The following CDH13 variants were observed in gnomAD, a reference collection of about 807,000 sequenced individuals.
CDH13 encodes the protein cadherin 13.
In CDH13, 24 loss-of-function variants were observed where a neutral mutation model predicts 63.8. The ratio of observed to expected loss-of-function variants is 0.38; its 90% CI spans 0.27 to 0.53. The LOEUF is 0.53. Among genes scored for constraint, CDH13 ranks in the 20% least tolerant of loss-of-function variants. The pLI is 0.85. For synonymous variants in CDH13, 503 were observed against 355.3 expected (o/e 1.42, Z -4.67); for missense variants, 1,049 against 903.1 (o/e 1.16, Z -2.07).
rs1324497026 is a variant in CDH13, at chr16:83,796,260, T to C, written c.*1230T>C. On this transcript the variant is annotated 3_prime_UTR_variant, in exon 14 of 14. Coordinates refer to ENST00000567109, the MANE Select transcript of CDH13 (RefSeq NM_001257.5). ...ATCATCAAAGCTCACACCAAATTTT[T>C]CTATCAAATAAAACTAGTGACAGCT... 6.6e-6 allele frequency: 1 copy of C among 152,264 alleles called. No homozygotes were observed. Among genetic ancestry groups the C allele is most frequent in the Non-Finnish European group, 1.5e-5 (1 of 68,040 alleles). 9.4% of individuals were successfully genotyped at this position (152,264 alleles called of 1,614,324 possible).
intron 6 of CDH13, among the ~76,000 whole-genome samples, chr16:83,463,349 T>G (rs1006824077): frequency 6.6e-6 from 1 of 152,188 alleles, no homozygotes; most frequent in African/African-American, 2.4e-5. Flanking sequence ...CTTCCCATTA[T>G]CTCTATCCTC....
At chr16:82,853,701 A>T (rs533793264) in intron 1 of CDH13, among the ~76,000 whole-genome samples, 1 of 152,236 alleles carries the variant, frequency 6.6e-6, no homozygotes, top group Non-Finnish European at 1.5e-5. Flanking sequence ...TTTGTTAATC[A>T]TAGAATTTGA....
At chr16:82,643,331 T>A (rs1909650450) in intron 1 of CDH13, among the ~76,000 whole-genome samples, 1 of 152,236 alleles carries the variant, frequency 6.6e-6, no homozygotes, top group Non-Finnish European at 1.5e-5. Context: ...GTTCACCACC[T>A]GCTGGTGATA....
rs375490909 is a variant in CDH13 at position 83,618,143 on chromosome 16, G to A, written c.1101+15549G>A. On this transcript the variant is annotated intron_variant, in intron 8 of 13. Transcript: ENST00000567109. ...AGTCATGTTGTTGCAAAGCACTTGC[G>A]GCCAGGCATGGTGGCTCATGCCTGT... 5.4e-3 allele frequency among the ~76,000 whole-genome samples: 725 copies of A among 134,532 alleles called. 9 individuals are homozygous for A. Among genetic ancestry groups the A allele is most frequent in the African/African-American group, 0.024 (665 of 27,716 alleles). The allele number at this position is 134,532 out of a possible 152,430, so 88.3% of individuals were successfully genotyped here. A position where few individuals can be genotyped will look rare whatever the true frequency, so the allele number is the denominator to read the frequency against.
At chr16:83,074,033 A>G (rs1472463167) in intron 3 of CDH13, among the ~76,000 whole-genome samples, 2 of 152,150 alleles carry the variant, frequency 1.3e-5, no homozygotes, top group East Asian at 1.9e-4. Flanking sequence ...GAGATGTACA[A>G]TACATTGGTG....
chr16:83,190,623 C>T (rs1023904282), intron 4 of CDH13, among the ~76,000 whole-genome samples: 2 of 152,156 alleles, frequency 1.3e-5, no homozygotes, highest in Non-Finnish European at 2.9e-5. Context: ...ATTATAGAGA[C>T]TGATCAATTT....
intron 6 of CDH13, among the ~76,000 whole-genome samples, chr16:83,406,151 C>T (rs1011483071): frequency 2.0e-5 from 3 of 152,200 alleles, no homozygotes; most frequent in Non-Finnish European, 4.4e-5. Context: ...GATCAATGCC[C>T]AGGCCCCTGT....
chr16:83,008,283 GC>G (rs1567739078), intron 2 of CDH13, among the ~76,000 whole-genome samples: 2 of 152,192 alleles, frequency 1.3e-5, no homozygotes, highest in African/African-American at 4.8e-5. Flanking sequence ...TGTTAGATGG[GC>G]TGTCCAGGAA....
At chr16:83,377,302 C>G (rs1597867396) in intron 6 of CDH13, among the ~76,000 whole-genome samples, 1 of 152,278 alleles carries the variant, frequency 6.6e-6, no homozygotes, top group Non-Finnish European at 1.5e-5. Flanking sequence ...AAATATAAGA[C>G]AAAAGGTTAA....
rs149187057 is a variant in CDH13 at position 82,802,080 on chromosome 16, G to C, written c.46-56282G>C. ...GCTGGCTCAGAGCTGTGCCCCACTGGGGCAGCTCACTGGGTTATTTATCTA... is the reference window on the plus strand; with the variant it reads ...GCTGGCTCAGAGCTGTGCCCCACTGCGGCAGCTCACTGGGTTATTTATCTA... On this transcript the variant is annotated intron_variant, in intron 1 of 13. Transcript: ENST00000567109. Among the ~76,000 whole-genome samples the C allele has an allele frequency of 9.9e-3, 1,476 of 149,648 alleles. 18 individuals are homozygous for C. The highest frequency in any genetic ancestry group is 0.013 in the Non-Finnish European group (875 of 67,730).
chr16:82,805,437 G>A (rs4783284), intron 1 of CDH13, among the ~76,000 whole-genome samples: 148,283 of 152,254 alleles, frequency 0.97, 72,327 homozygotes, highest in Middle Eastern at 1. Context: ...CAAGCTTTCA[G>A]TGAAGAAACA....
At chr16:83,595,148 T>G (rs1907135544) in intron 7 of CDH13, among the ~76,000 whole-genome samples, 1 of 152,172 alleles carries the variant, frequency 6.6e-6, no homozygotes, top group Admixed American at 6.5e-5. Context: ...CCAATTTAAG[T>G]TTTCCAGTTT....
chr16:83,031,455 G>A (rs1039464629), intron 2 of CDH13, among the ~76,000 whole-genome samples: 29 of 148,876 alleles, frequency 1.9e-4, no homozygotes, highest in Middle Eastern at 7.1e-3. Flanking sequence ...ATGCATACAC[G>A]TATATGGTAT....
At chr16:82,979,649 G>A (rs988267119) in intron 2 of CDH13, among the ~76,000 whole-genome samples, 1 of 152,138 alleles carries the variant, frequency 6.6e-6, no homozygotes, top group Non-Finnish European at 1.5e-5. Context: ...CCCAAGCCGT[G>A]CAGAATTGTG....
At chr16:82,813,684 C>G (rs542455650) in intron 1 of CDH13, among the ~76,000 whole-genome samples, 1 of 152,140 alleles carries the variant, frequency 6.6e-6, no homozygotes, top group African/African-American at 2.4e-5. Context: ...CCTTCTAGAG[C>G]CTGTGAGGCC....
At chr16:82,690,164 CAAAAAAAAA>C (rs35051579) in intron 1 of CDH13, among the ~76,000 whole-genome samples, 1 of 52,040 alleles carries the variant, frequency 1.9e-5, no homozygotes, top group African/African-American at 7.6e-5. Context: ...AACTCTGTCT[CAAAAAAAAA>C]AAAAAAAAAA....
chr16:82,997,056 G>A (rs1321977882), intron 2 of CDH13, among the ~76,000 whole-genome samples: 2 of 148,158 alleles, frequency 1.3e-5, no homozygotes, highest in African/African-American at 2.5e-5. Context: ...GATGATGATA[G>A]TGATGGTGAT....
At chr16:83,067,455 AC>A (rs1427576992) in intron 3 of CDH13, among the ~76,000 whole-genome samples, 1 of 152,196 alleles carries the variant, frequency 6.6e-6, no homozygotes, top group Non-Finnish European at 1.5e-5. Flanking sequence ...AAGTAAAAGA[AC>A]CCATATAGTG....
intron 8 of CDH13, among the ~76,000 whole-genome samples, chr16:83,669,615 G>C (rs1333540506): frequency 6.6e-6 from 1 of 152,156 alleles, no homozygotes; most frequent in African/African-American, 2.4e-5. Flanking sequence ...GTTTGCCGAG[G>C]CGCAATAAAC....
Sources: gnomAD v4.1 joint callset for allele counts (sites outside exome capture counted in the v4.1 genomes callset) on GRCh38, gnomAD v4.1.1 for gene constraint, MANE v1.5 for transcripts, NCBI Gene and HGNC (gene_info 2026-07-23, HGNC 2026-07-21) for gene names.